FRYL: variants seen among roughly 807,000 people sequenced by gnomAD.
FRYL encodes the protein protein furry homolog-like.
In FRYL, 150 loss-of-function variants were observed where a neutral mutation model predicts 351.2. That is an observed-to-expected ratio of 0.43 (90% CI 0.37 to 0.49). FRYL has a LOEUF of 0.49. Ranked by LOEUF, FRYL falls within the 20% of genes least tolerant of loss-of-function variation. The pLI is 0.00. For synonymous variants in FRYL, 1,153 were observed against 1,257.1 expected (o/e 0.92, Z 1.75); for missense variants, 3,036 against 3,619.3 (o/e 0.84, Z 4.13).
chr4:48,697,784 G>C (rs1446133206), intron 2 of FRYL, among the ~76,000 whole-genome samples: 1 of 152,142 alleles, frequency 6.6e-6, no homozygotes, highest in African/African-American at 2.4e-5. Flanking sequence ...CTTTTAAAAA[G>C]CTTCATAGAG....
At chr4:48,726,217 A>T (rs1455097958) in intron 1 of FRYL, among the ~76,000 whole-genome samples, 1 of 152,242 alleles carries the variant, frequency 6.6e-6, no homozygotes, top group Non-Finnish European at 1.5e-5. Flanking sequence ...AGAAAACACG[A>T]AGCAAGTAAT....
intron 1 of FRYL, among the ~76,000 whole-genome samples, chr4:48,714,337 G>GT (rs1172240805): frequency 1.5e-5 from 2 of 134,614 alleles, no homozygotes; most frequent in Non-Finnish European, 3.2e-5. Flanking sequence ...CCAGGAGCCG[G>GT]TTTTTTGAAA....
chr4:48,534,975 GACT>G (rs1176119793), intron 48 of FRYL, among the ~76,000 whole-genome samples: 3 of 152,108 alleles, frequency 2.0e-5, no homozygotes, highest in Non-Finnish European at 2.9e-5. Flanking sequence ...CATTTTTAGT[GACT>G]AGGAATCTCT....
chr4:48,728,679 T>C (rs939332756), intron 1 of FRYL, among the ~76,000 whole-genome samples: 3 of 152,138 alleles, frequency 2.0e-5, no homozygotes, highest in East Asian at 1.9e-4. Flanking sequence ...ACCATACCTA[T>C]AGAAGAACAA....
At position 48,557,638 on chromosome 4, in the gene FRYL, T is replaced by C; in HGVS notation, c.3940A>G (p.Asn1314Asp). The C allele has an allele frequency of 6.2e-7, 1 of 1,614,238 alleles. No homozygotes were observed. The highest frequency in any genetic ancestry group is 8.5e-7 in the Non-Finnish European group (1 of 1,180,050). The change falls in exon 34 of 64, where the codon AAC becomes GAC. Residue 1314 changes from asparagine to aspartate, a missense_variant. Coordinates refer to ENST00000358350, the MANE Select transcript of FRYL (RefSeq NM_015030.2). ...TTTAAGTCCACCAGCTCGATGTTGT[T>C]CATCCATGGTAGCAGGTAGTGCAGC... ...VMLHYLLPWM[N>D]NIELVDLKPL...
chr4:48,522,206 TG>T (rs1725053894), intron 54 of FRYL, among the ~76,000 whole-genome samples: 2 of 152,152 alleles, frequency 1.3e-5, no homozygotes, highest in African/African-American at 4.8e-5. Context: ...ACTTGAGACC[TG>T]GAGTTTAAGA....
intron 20 of FRYL, among the ~76,000 whole-genome samples, chr4:48,582,214 G>T (rs1741101938): frequency 6.6e-6 from 1 of 152,068 alleles, no homozygotes; most frequent in African/African-American, 2.4e-5. Context: ...TATTGTACTG[G>T]CTTTAAATAT....
intron 3 of FRYL, among the ~76,000 whole-genome samples, chr4:48,646,312 T>A (rs1402436768): frequency 6.6e-6 from 1 of 152,184 alleles, no homozygotes; most frequent in Non-Finnish European, 1.5e-5. Flanking sequence ...GTCTGACAAT[T>A]TGGAAATTCT....
intron 2 of FRYL, among the ~76,000 whole-genome samples, chr4:48,694,694 A>T (rs1765988481): frequency 6.6e-6 from 1 of 152,252 alleles, no homozygotes; most frequent in Non-Finnish European, 1.5e-5. Flanking sequence ...TAACGTAATT[A>T]CAGGAAAAAC....
intron 55 of FRYL, among the ~76,000 whole-genome samples, chr4:48,516,105 T>C (rs1386409090): frequency 6.6e-6 from 1 of 152,186 alleles, no homozygotes; most frequent in African/African-American, 2.4e-5. Flanking sequence ...GCTTTGAGTA[T>C]TGATAAAGCT....
intron 25 of FRYL, 86 bp from the exon 26 acceptor site, chr4:48,573,329 G>A: frequency 2.3e-6 from 2 of 865,676 alleles, no homozygotes; most frequent in South Asian, 1.5e-5. Flanking sequence ...GATGTAAACT[G>A]ACAAGTGTTA....
At chr4:48,661,506 G>A (rs1760712731) in intron 3 of FRYL, among the ~76,000 whole-genome samples, 1 of 152,214 alleles carries the variant, frequency 6.6e-6, no homozygotes, top group Non-Finnish European at 1.5e-5. Flanking sequence ...AGATTCTCCA[G>A]AAGGTCATGC....
chr4:48,559,879 C>T (rs376858401), intron 33 of FRYL, among the ~76,000 whole-genome samples: 1 of 152,218 alleles, frequency 6.6e-6, no homozygotes, highest in African/African-American at 2.4e-5. Context: ...ATGGCTAACA[C>T]CAATTGCTGT....
intron 9 of FRYL, among the ~76,000 whole-genome samples, chr4:48,607,031 G>C (rs1432417322): frequency 6.6e-6 from 1 of 152,120 alleles, no homozygotes; most frequent in Non-Finnish European, 1.5e-5. Context: ...TGTTCACAGA[G>C]ATAAGCCAAT....
chr4:48,656,676 A>G (rs1418439909), intron 3 of FRYL, among the ~76,000 whole-genome samples: 1 of 144,198 alleles, frequency 6.9e-6, no homozygotes, highest in Non-Finnish European at 1.5e-5. Flanking sequence ...ATGTATGTAT[A>G]TATGACTGAT....
rs56320005 is a variant in FRYL, at chr4:48,592,082, T to TTATATATATATATATATATATA, written c.1336-1274_1336-1253dup. Among the ~76,000 whole-genome samples the TTATATATATATATATATATATA allele has an allele frequency of 9.9e-3, 1,141 of 115,368 alleles. 15 individuals carry two copies. Among genetic ancestry groups the TTATATATATATATATATATATA allele is most frequent in the African/African-American group, 0.013 (283 of 22,038 alleles). 75.7% of individuals were successfully genotyped at this position (115,368 alleles called of 152,430 possible). A position where few individuals can be genotyped will look rare whatever the true frequency, so the allele number is the denominator to read the frequency against. On this transcript the variant is annotated intron_variant, in intron 16 of 63. Coordinates refer to ENST00000358350, the MANE Select transcript of FRYL (RefSeq NM_015030.2). ...GGAATACGGGAAGAAAATAAAGCTC[T>TTATATATATATATATATATATA]TATATATATATATATATATATATAT...
chr4:48,500,455 A>G (rs1719302362), intron 62 of FRYL, among the ~76,000 whole-genome samples: 1 of 152,250 alleles, frequency 6.6e-6, no homozygotes, highest in Non-Finnish European at 1.5e-5. Context: ...AACAAGTTGT[A>G]ATAAATGTCT....
intron 42 of FRYL, 98 bp downstream of exon 42, chr4:48,545,953 TGTATTTCACATCAATG>T (rs1731243271): frequency 1.1e-6 from 1 of 928,630 alleles, no homozygotes; most frequent in East Asian, 2.6e-5. Flanking sequence ...TACAAACCTG[TGTATTTCACATCAATG>T]GTATTTCAGA....
At chr4:48,629,378 C>G (rs572781847) in intron 4 of FRYL, among the ~76,000 whole-genome samples, 3 of 152,220 alleles carry the variant, frequency 2.0e-5, no homozygotes, top group Admixed American at 6.5e-5. Context: ...AGGTGAAAAG[C>G]AGATGAAGAC....
Sources: gnomAD v4.1 joint callset for allele counts (sites outside exome capture counted in the v4.1 genomes callset) on GRCh38, gnomAD v4.1.1 for gene constraint, MANE v1.5 for transcripts, NCBI Gene and HGNC (gene_info 2026-07-23, HGNC 2026-07-21) for gene names.